STIL: variants seen among roughly 807,000 people sequenced by gnomAD.
STIL encodes SCL-interrupting locus protein.
In STIL, 55 loss-of-function variants were observed where a neutral mutation model predicts 110.1. The observed-to-expected ratio is 0.50, with a 90% CI of 0.40 to 0.63. The LOEUF (loss-of-function observed/expected upper bound fraction) is 0.63. Among genes scored for constraint, STIL ranks in the 20% least tolerant of loss-of-function variants. The pLI is 0.00. For synonymous variants in STIL, 481 were observed against 530.0 expected, an observed-to-expected ratio of 0.91 and a Z score of 1.27; for missense variants, 1,358 against 1,530.0, an observed-to-expected ratio of 0.89 and a Z score of 1.87.
Position 47,302,242 on chromosome 1 carries a change from G to T in STIL, c.257C>A (p.Ala86Glu), listed in dbSNP as rs3125630. 1 of 1,610,940 alleles carries T rather than the reference G, an allele frequency of 6.2e-7. No individual in the cohort carries two copies. Among genetic ancestry groups the T allele is most frequent in the South Asian group, 1.1e-5 (1 of 91,008 alleles). Reference sequence around the variant, plus strand: ...TTTTAAAAGTGTATTACCTTCGTCTGCTGTCAGAGAACCAAGTAAAAAGCA... The same window carrying T: ...TTTTAAAAGTGTATTACCTTCGTCTTCTGTCAGAGAACCAAGTAAAAAGCA... ...SSCFLLGSLT[A>E]DEDEEGVTLT... is the part of the protein sequence containing the mutation. The change falls in exon 4 of 17, where the codon GCA becomes GAA. Residue 86 changes from alanine to glutamate, a missense_variant. Physicochemically the swap from Ala to Glu is moderately radical, Grantham distance 107 (BLOSUM62 -1). Transcript: ENST00000371877.
At chr1:47,295,687 G>T in intron 7 of STIL, 78 bp downstream of exon 7, 1 of 994,020 alleles carries the variant, frequency 1.0e-6, no homozygotes, top group Non-Finnish European at 1.6e-6. Flanking sequence ...AATATTTATA[G>T]TACAACTGAG....
At chr1:47,297,708 C>G (rs1447966641) in intron 6 of STIL, among the ~76,000 whole-genome samples, 1 of 151,998 alleles carries the variant, frequency 6.6e-6, no homozygotes, top group Non-Finnish European at 1.5e-5. Flanking sequence ...CTGCCTCACT[C>G]TCCCAAGCAG....
chr1:47,300,472 A>ATTC (rs1553181181), intron 5 of STIL, among the ~76,000 whole-genome samples: 82 of 97,276 alleles, frequency 8.4e-4, no homozygotes, highest in African/African-American at 2.4e-3. Flanking sequence ...ACATAAAATA[A>ATTC]TTTTTTTTTT....
chr1:47,309,638 T>A (rs1184906118), intron 2 of STIL, among the ~76,000 whole-genome samples: 2 of 152,192 alleles, frequency 1.3e-5, no homozygotes, highest in African/African-American at 4.8e-5. Context: ...CAGCATTAAC[T>A]GTCGTTCCCT....
intron 2 of STIL, 38 bp from the exon 3 acceptor site, chr1:47,305,034 T>C (rs1645913253): frequency 6.9e-7 from 1 of 1,459,096 alleles, no homozygotes; most frequent in Non-Finnish European, 9.6e-7. Flanking sequence ...GCACAAGGAA[T>C]AGCAAACTTG....
chr1:47,304,783 G>A (rs1046202997), intron 3 of STIL, 106 bp downstream of exon 3: 58 of 909,434 alleles, frequency 6.4e-5, no homozygotes, highest in Admixed American at 3.9e-4. Context: ...TAAAAGAAAA[G>A]TAAAGAAAAA....
In STIL at chr1:47,260,421, T is replaced by A. The variant is rs544632662; in HGVS notation, c.2948A>T (p.Lys983Ile). Residue 983 changes from lysine (K) to isoleucine (I), a missense_variant, in exon 16 of 17, where the codon AAA becomes ATA. Physicochemically the swap from Lys to Ile is moderately radical, Grantham distance 102. Transcript: ENST00000371877. ...RTQNVYHTKK[K>I]THHSRLVDKD... Reference sequence around the variant, plus strand: ...GTCCACCAGTCTTGAATGATGTGTTTTTTTCTTTGTATGGTAAACGTTTTG... The same window carrying A: ...GTCCACCAGTCTTGAATGATGTGTTATTTTCTTTGTATGGTAAACGTTTTG... 1 of 1,614,198 alleles carries A rather than the reference T, an allele frequency of 6.2e-7. No individual in the cohort carries two copies. Among genetic ancestry groups the A allele is most frequent in the Non-Finnish European group, 8.5e-7 (1 of 1,180,040 alleles).
At chr1:47,299,064 G>A (rs1200690861) in intron 6 of STIL, among the ~76,000 whole-genome samples, 1 of 147,092 alleles carries the variant, frequency 6.8e-6, no homozygotes, top group Non-Finnish European at 1.5e-5. Context: ...TGAGGTCTCT[G>A]GGGCTGGGCA....
At chr1:47,257,211 A>G (rs1293202360) in intron 16 of STIL, among the ~76,000 whole-genome samples, 1 of 152,278 alleles carries the variant, frequency 6.6e-6, no homozygotes, top group African/African-American at 2.4e-5. Flanking sequence ...TCAAACTGAA[A>G]CAATGCGAAT....
intron 10 of STIL, chr1:47,284,111 T>A (rs2149006357): frequency 6.6e-6 from 1 of 152,398 alleles, no homozygotes; most frequent in African/African-American, 2.4e-5. Flanking sequence ...TTGGTCAGGC[T>A]GGTCTTGAAC....
Position 47,270,255 on chromosome 1 carries a change from TACACACAC to T in STIL, c.2384-397_2384-390del, listed in dbSNP as rs56253074. 5.8e-3 allele frequency among the ~76,000 whole-genome samples: 698 copies of T among 119,400 alleles called. 8 individuals are homozygous for T. Among genetic ancestry groups the T allele is most frequent in the African/African-American group, 0.021 (625 of 30,364 alleles). 78.3% of individuals were successfully genotyped at this position (119,400 alleles called of 152,430 possible). A position where few individuals can be genotyped will look rare whatever the true frequency, so the allele number is the denominator to read the frequency against. On this transcript the variant is annotated intron_variant, in intron 13 of 16. Coordinates refer to ENST00000371877, the MANE Select transcript of STIL (RefSeq NM_001048166.1). ...AAAAAAAAAAAAATATATATATATA[TACACACAC>T]ACACACACACACACACACACACACA...
At chr1:47,267,529 A>T (rs539949370) in intron 14 of STIL, among the ~76,000 whole-genome samples, 43 of 152,030 alleles carry the variant, frequency 2.8e-4, no homozygotes, top group African/African-American at 1.0e-3. Flanking sequence ...ACATGGCAAA[A>T]CCCTGTCTCT....
chr1:47,279,730 A>AG (rs1323321282), intron 12 of STIL, among the ~76,000 whole-genome samples: 1 of 150,588 alleles, frequency 6.6e-6, no homozygotes, highest in Non-Finnish European at 1.5e-5. Flanking sequence ...TCCGTCTCAA[A>AG]AAAAAAAAAA....
intron 10 of STIL, among the ~76,000 whole-genome samples, chr1:47,285,228 C>T (rs1022073336): frequency 7.2e-5 from 11 of 151,962 alleles, no homozygotes; most frequent in African/African-American, 2.4e-4. Flanking sequence ...GGCAGGGTTT[C>T]GCCACATTGC....
chr1:47,286,821 T>G (rs1172190165), intron 10 of STIL, among the ~76,000 whole-genome samples: 1 of 152,216 alleles, frequency 6.6e-6, no homozygotes, highest in Admixed American at 6.5e-5. Flanking sequence ...CCTGAGTGTG[T>G]GTAATGTCTT....
chr1:47,298,203 G>C (rs1198796713), intron 6 of STIL, among the ~76,000 whole-genome samples: 1 of 152,172 alleles, frequency 6.6e-6, no homozygotes, highest in African/African-American at 2.4e-5. Flanking sequence ...AGATTGAATG[G>C]CCTAACAGGA....
At chr1:47,305,160 C>T (rs1452590281) in intron 2 of STIL, 164 bp from the exon 3 acceptor site, 1 of 582,216 alleles carries the variant, frequency 1.7e-6, no homozygotes, top group African/African-American at 1.9e-5. Flanking sequence ...AAGTCTCACT[C>T]CATCACCCAG....
At chr1:47,294,955 C>A (rs564563567) in intron 7 of STIL, among the ~76,000 whole-genome samples, 1 of 152,142 alleles carries the variant, frequency 6.6e-6, no homozygotes, top group East Asian at 1.9e-4. Context: ...GAGTTTCACT[C>A]TTGTTGCCCA....
At chr1:47,309,233 A>T (rs72686214) in intron 2 of STIL, among the ~76,000 whole-genome samples, 1 of 152,106 alleles carries the variant, frequency 6.6e-6, no homozygotes, top group African/African-American at 2.4e-5. Context: ...CAAAAATTTA[A>T]ATTTTTTTAA....
Sources: gnomAD v4.1 joint callset for allele counts (sites outside exome capture counted in the v4.1 genomes callset) on GRCh38, gnomAD v4.1.1 for gene constraint, MANE v1.5 for transcripts, NCBI Gene and HGNC (gene_info 2026-07-23, HGNC 2026-07-21) for gene names.